Variants in TTC13 observed in about 807,000 individuals in gnomAD.
TTC13 encodes the protein tetratricopeptide repeat domain 13.
Under a neutral mutation model 120.0 loss-of-function variants are expected in TTC13, and 62 were observed. The observed-to-expected ratio is 0.52, with a 90% confidence interval of 0.42 to 0.64. The LOEUF is 0.64. Ranked by LOEUF, TTC13 falls within the 30% of genes least tolerant of loss-of-function variation. The probability of loss-of-function intolerance (pLI) is 0.00; values close to 1 mark genes in which losing one functional copy is unlikely to be tolerated. For missense variants in TTC13, 824 were observed against 1,050.2 expected (o/e 0.78, Z 2.98); for synonymous variants, 384 against 393.5 (o/e 0.98, Z 0.28).
intron 2 of TTC13, among the ~76,000 whole-genome samples, chr1:230,959,484 C>A (rs868850368): frequency 6.6e-6 from 1 of 152,072 alleles, no homozygotes; most frequent in Non-Finnish European, 1.5e-5. Flanking sequence ...TGGGTTCAAG[C>A]GATTCTCCTG....
At chr1:230,954,262 C>A in intron 4 of TTC13, 71 bp downstream of exon 4, 4 of 1,059,122 alleles carry the variant, frequency 3.8e-6, no homozygotes, top group South Asian at 2.7e-5. Flanking sequence ...TACAGCACTT[C>A]AGCTGTTCAT....
intron 15 of TTC13, among the ~76,000 whole-genome samples, chr1:230,923,573 A>G (rs891830686): frequency 6.6e-6 from 1 of 152,214 alleles, no homozygotes; most frequent in Non-Finnish European, 1.5e-5. Flanking sequence ...CTGACGCCCT[A>G]GGAAAACATC....
intron 20 of TTC13, among the ~76,000 whole-genome samples, chr1:230,910,637 G>A (rs1671407033): frequency 1.3e-5 from 2 of 152,362 alleles, no homozygotes; most frequent in Admixed American, 6.5e-5. Flanking sequence ...GACAAAGGAC[G>A]GATGCTGGCT....
chr1:230,952,801 A>C (rs949398617), intron 4 of TTC13, among the ~76,000 whole-genome samples: 6 of 152,240 alleles, frequency 3.9e-5, no homozygotes, highest in Non-Finnish European at 1.5e-5. Context: ...AGATTATAAA[A>C]CAAATGCATA....
intron 16 of TTC13, 124 bp from the exon 17 acceptor site, chr1:230,920,718 T>A: frequency 1.9e-6 from 1 of 539,732 alleles, no homozygotes; most frequent in Non-Finnish European, 3.1e-6. Context: ...TTCAAAATGG[T>A]AGGCCACAAA....
Position 230,968,305 on chromosome 1 carries a change from TC to T in TTC13, c.272-7003del, listed in dbSNP as rs757655724. Among the ~76,000 whole-genome samples, 203 of 144,238 alleles carry T rather than the reference TC, an allele frequency of 1.4e-3. 2 individuals carry two copies. The highest frequency in any genetic ancestry group is 2.5e-3 in the Non-Finnish European group (163 of 66,506). The allele number at this position is 144,238 out of a possible 152,430, so 94.6% of individuals were successfully genotyped here. On this transcript the variant is annotated intron_variant, in intron 1 of 22. Coordinates refer to ENST00000366661, the MANE Select transcript of TTC13 (RefSeq NM_024525.5). ...AGTATTAGGTATATGCACACTGACC[TC>T]CAGAACTTCTTAATCATTCTTTTTT...
intron 16 of TTC13, 112 bp downstream of exon 16, chr1:230,921,309 A>T: frequency 1.6e-6 from 1 of 616,320 alleles, no homozygotes; most frequent in Non-Finnish European, 2.8e-6. Flanking sequence ...TAAAAATTTG[A>T]TAGACCTTGT....
Position 230,942,359 on chromosome 1 carries a change from C to T in TTC13, c.672+1447G>A, listed in dbSNP as rs1336254414. ...CAGTGATAAACTATAGTCACTTAAC[C>T]CTTAGGGTTACAATTCAAAATAGAG... On this transcript the variant is annotated intron_variant, in intron 6 of 22. Coordinates refer to ENST00000366661, the MANE Select transcript of TTC13 (RefSeq NM_024525.5). The surrounding 1 kb of genome is among the most constrained non-coding windows in gnomAD (Gnocchi z 4.0). Among the ~76,000 whole-genome samples the T allele has an allele frequency of 6.6e-6, 1 of 152,006 alleles. No homozygotes were observed. The highest frequency in any genetic ancestry group is 6.6e-5 in the Admixed American group (1 of 15,256).
chr1:230,932,861 A>G (rs906615885), intron 9 of TTC13, among the ~76,000 whole-genome samples: 2 of 152,208 alleles, frequency 1.3e-5, no homozygotes, highest in Non-Finnish European at 1.5e-5. Context: ...ACAAGTGAGA[A>G]GCCAGAAGCT....
At chr1:230,968,277 A>G (rs1434268174) in intron 1 of TTC13, among the ~76,000 whole-genome samples, 1 of 150,108 alleles carries the variant, frequency 6.7e-6, no homozygotes, top group Non-Finnish European at 1.5e-5. Flanking sequence ...TGTATGGTTC[A>G]GTAGTATTAG....
intron 18 of TTC13, 103 bp from the exon 19 acceptor site, chr1:230,912,861 A>G (rs1671657913): frequency 2.0e-6 from 2 of 1,006,748 alleles, no homozygotes; most frequent in African/African-American, 1.6e-5. Flanking sequence ...ACGTAGCACT[A>G]AACATATACA....
At chr1:230,928,077 C>G (rs1309808046) in intron 12 of TTC13, among the ~76,000 whole-genome samples, 5 of 152,108 alleles carry the variant, frequency 3.3e-5, no homozygotes, top group Admixed American at 6.6e-5. Flanking sequence ...AGAAGCTTCC[C>G]CTTCAAGCCT....
intron 2 of TTC13, among the ~76,000 whole-genome samples, chr1:230,959,346 A>C (rs1394027090): frequency 2.6e-5 from 4 of 152,226 alleles, no homozygotes; most frequent in Admixed American, 2.0e-4. Context: ...TATTCACTAG[A>C]AAGTGGGCAG....
intron 1 of TTC13, among the ~76,000 whole-genome samples, chr1:230,970,617 CA>C (rs1183585392): frequency 6.6e-6 from 1 of 152,168 alleles, no homozygotes; most frequent in Non-Finnish European, 1.5e-5. Flanking sequence ...GTTGTTTTCT[CA>C]CTGCTTCTTA....
At chr1:230,951,674 A>G (rs1345822167) in intron 4 of TTC13, among the ~76,000 whole-genome samples, 1 of 152,216 alleles carries the variant, frequency 6.6e-6, no homozygotes. Context: ...TGGATATGAA[A>G]AAGTATTATT....
In TTC13 at chr1:230,970,011, C is replaced by A. The variant is rs566379419; in HGVS notation, c.271+8549G>T. Among the ~76,000 whole-genome samples the A allele has an allele frequency of 7.2e-5, 11 of 152,302 alleles. No homozygotes were observed. The South Asian group carries it at 2.3e-3, about 32-fold the overall frequency. On this transcript the variant is annotated intron_variant, in intron 1 of 22. Coordinates refer to ENST00000366661, the MANE Select transcript of TTC13 (RefSeq NM_024525.5). ...TCCATCCTCCAAGGTAGATACAAGGCACACTGTGCCCACTGTACACATGGG... is the reference window on the plus strand; with the variant it reads ...TCCATCCTCCAAGGTAGATACAAGGAACACTGTGCCCACTGTACACATGGG...
intron 17 of TTC13, among the ~76,000 whole-genome samples, chr1:230,917,521 A>C (rs1307721418): frequency 6.6e-6 from 1 of 152,144 alleles, no homozygotes. Context: ...CACTTTAAAC[A>C]CTCAAATATC....
In TTC13 at chr1:230,972,019, G is replaced by GA. The variant is rs1409827105; in HGVS notation, c.271+6540dup. Reference sequence around the variant, plus strand: ...TGACATGAAAAGATTAGTGACAAGGGAACACAGAGTCACTGAGAACATTGC... The same window carrying GA: ...TGACATGAAAAGATTAGTGACAAGGGAAACACAGAGTCACTGAGAACATTGC... On this transcript the variant is annotated intron_variant, in intron 1 of 22. Coordinates refer to ENST00000366661, the MANE Select transcript of TTC13 (RefSeq NM_024525.5). Among the ~76,000 whole-genome samples, 8 of 152,370 alleles carry GA rather than the reference G, an allele frequency of 5.3e-5. No individual in the cohort carries two copies. In the East Asian group the frequency reaches 1.3e-3, roughly 26 times the overall value.
chr1:230,957,624 A>G (rs1045235477), intron 3 of TTC13, among the ~76,000 whole-genome samples: 10 of 152,204 alleles, frequency 6.6e-5, no homozygotes, highest in Admixed American at 6.5e-4. Context: ...CCCTGTATTC[A>G]ATTTTGTCTC....
Sources: allele counts gnomAD v4.1 joint callset (sites outside exome capture counted in the v4.1 genomes callset), GRCh38; gene constraint gnomAD v4.1.1; non-coding constraint Gnocchi (gnomAD v3.1); transcripts MANE v1.5; gene names NCBI Gene and HGNC (gene_info 2026-07-23, HGNC 2026-07-21).